Variants in BICD1 observed in about 807,000 individuals in gnomAD.
BICD1 encodes protein bicaudal D homolog 1.
Under a neutral mutation model 92.5 loss-of-function variants are expected in BICD1, and 35 were observed. That is an observed-to-expected ratio of 0.38 (90% CI 0.29 to 0.50). The LOEUF is 0.50. BICD1 is among the 20% of genes least tolerant of loss of function. BICD1 has a pLI of 0.93. For synonymous variants in BICD1, 429 were observed against 465.1 expected, an observed-to-expected ratio of 0.92 and a Z score of 1.00; for missense variants, 950 against 1,189.8, an observed-to-expected ratio of 0.80 and a Z score of 2.97.
chr12:32,340,743 T>G (rs1938335457), intron 8 of BICD1: 1 of 177,798 alleles, frequency 5.6e-6, no homozygotes, highest in South Asian at 1.9e-4. Context: ...TGTTTTTATT[T>G]GTTAAAGTTA....
chr12:32,117,705 T>TACACACACAC lies in BICD1; in HGVS notation c.213+10162_213+10163insCACACACACA, dbSNP rs1187433090. ...TCATATATATATATATATACACAAATATATATACACACACACACACACACA... is the reference window on the plus strand; with the variant it reads ...TCATATATATATATATATACACAAATACACACACACATATATACACACACACACACACACA... On this transcript the variant is annotated intron_variant, in intron 1 of 9. Coordinates refer to ENST00000652176, the MANE Select transcript of BICD1 (RefSeq NM_001714.4). Among the ~76,000 whole-genome samples, 147 of 85,990 alleles carry TACACACACAC rather than the reference T, an allele frequency of 1.7e-3. 3 individuals are homozygous for TACACACACAC. The highest frequency in any genetic ancestry group is 8.4e-3 in the East Asian group (23 of 2,724). 56.4% of individuals were successfully genotyped at this position (85,990 alleles called of 152,430 possible).
chr12:32,306,111 C>T lies in BICD1; in HGVS notation c.994C>T (p.Gln332Ter). ...NISEIQKLKQQLMQVEREKAI... is the reference protein window; with the variant it reads ...NISEIQKLKQ ...TTCAGAAATACAGAAGTTGAAGCAG[C>T]AGCTTATGCAGGTAAGAACTTTGTT... is the stretch of plus-strand genomic sequence containing the variant. The change falls in exon 4 of 10, where the codon CAG becomes TAG. Residue 332 changes from glutamine (Q) to a stop codon, truncating the protein, a stop_gained. Coordinates refer to ENST00000652176, the MANE Select transcript of BICD1 (RefSeq NM_001714.4). LOFTEE classifies it high-confidence loss of function. 4 of 1,595,256 alleles carry T rather than the reference C, an allele frequency of 2.5e-6. No homozygotes were observed. The highest frequency in any genetic ancestry group is 3.4e-6 in the Non-Finnish European group (4 of 1,172,810).
At chr12:32,333,088 C>T (rs1317435581) in intron 5 of BICD1, 1 of 984,300 alleles carries the variant, frequency 1.0e-6, no homozygotes, top group Non-Finnish European at 1.2e-6. Flanking sequence ...CTGTTATCCC[C>T]CATTTTATTC....
chr12:32,227,635 G>C (rs1565601945), intron 2 of BICD1: 1 of 161,480 alleles, frequency 6.2e-6, no homozygotes, highest in Non-Finnish European at 1.5e-5. Context: ...GGGAGGTCCT[G>C]GATAGAACTC....
intron 1 of BICD1, among the ~76,000 whole-genome samples, chr12:32,175,285 T>C (rs1490584911): frequency 1.3e-5 from 2 of 152,214 alleles, no homozygotes; most frequent in African/African-American, 2.4e-5. Context: ...CCTTTTCTTC[T>C]TTTTACCTTG....
At position 32,216,307 on chromosome 12, in the gene BICD1, G is replaced by C; in HGVS notation, c.274G>C (p.Glu92Gln). Residue 92 changes from glutamate to glutamine, a missense_variant, in exon 2 of 10, where the codon GAA (glutamate) becomes CAA (glutamine). Glu to Gln is a conservative substitution (Grantham distance 29). Coordinates refer to ENST00000652176, the MANE Select transcript of BICD1 (RefSeq NM_001714.4). ...KVAEDGETRE[E>Q]TLLQESASKE... ...TGCTGAAGATGGAGAGACTCGGGAG[G>C]AAACGCTTCTGCAGGAGTCAGCATC... The C allele has an allele frequency of 1.2e-6, 2 of 1,614,150 alleles. No individual in the cohort carries two copies. Among genetic ancestry groups the C allele is most frequent in the Non-Finnish European group, 1.7e-6 (2 of 1,180,026 alleles).
chr12:32,142,720 A>C (rs1297590240), intron 1 of BICD1, among the ~76,000 whole-genome samples: 1 of 152,200 alleles, frequency 6.6e-6, no homozygotes, highest in Admixed American at 6.5e-5. Flanking sequence ...TTCTCTCATG[A>C]AGCACCCAAA....
intron 1 of BICD1, among the ~76,000 whole-genome samples, chr12:32,198,660 T>A (rs1400654520): frequency 6.6e-6 from 1 of 151,800 alleles, no homozygotes; most frequent in Non-Finnish European, 1.5e-5. Flanking sequence ...CTCTTATGAC[T>A]TCTGGCTGTT....
intron 2 of BICD1, among the ~76,000 whole-genome samples, chr12:32,271,965 T>A (rs1947152023): frequency 6.6e-6 from 1 of 152,216 alleles, no homozygotes; most frequent in South Asian, 2.1e-4. Context: ...CTTAGCTCTA[T>A]GATCTACCTG....
In BICD1 at chr12:32,259,781, G is replaced by C. The variant is rs148675935; in HGVS notation, c.427-34213G>C. Among the ~76,000 whole-genome samples, 209 of 152,316 alleles carry C rather than the reference G, an allele frequency of 1.4e-3. 1 individual carries two copies. Among genetic ancestry groups the C allele is most frequent in the Admixed American group, 2.7e-3 (42 of 15,306 alleles). On this transcript the variant is annotated intron_variant, in intron 2 of 9. Transcript: ENST00000652176. ...ATAATCTAAAGGCAAGGGCTTGTAGGAAGAGGCAGTCAATATTTGTGAACA... is the reference window on the plus strand; with the variant it reads ...ATAATCTAAAGGCAAGGGCTTGTAGCAAGAGGCAGTCAATATTTGTGAACA...
At chr12:32,287,906 G>A (rs1255130027) in intron 2 of BICD1, among the ~76,000 whole-genome samples, 2 of 152,180 alleles carry the variant, frequency 1.3e-5, no homozygotes, top group African/African-American at 4.8e-5. Flanking sequence ...AGCCCCACTG[G>A]GCCAAATAGT....
intron 4 of BICD1, among the ~76,000 whole-genome samples, chr12:32,310,064 A>T (rs1948333947): frequency 6.6e-6 from 1 of 152,186 alleles, no homozygotes; most frequent in African/African-American, 2.4e-5. Context: ...GTAGAGGGGC[A>T]CAGGCAAGGC....
intron 1 of BICD1, among the ~76,000 whole-genome samples, chr12:32,201,027 A>G (rs935557118): frequency 6.6e-6 from 1 of 152,218 alleles, no homozygotes; most frequent in Non-Finnish European, 1.5e-5. Flanking sequence ...CTCCATGTCA[A>G]TACTGCTTTG....
intron 4 of BICD1, among the ~76,000 whole-genome samples, chr12:32,321,275 A>C (rs1017381452): frequency 1.3e-5 from 2 of 152,108 alleles, no homozygotes; most frequent in African/African-American, 4.8e-5. Flanking sequence ...GCAGTGATCC[A>C]AGATCACACC....
intron 1 of BICD1, among the ~76,000 whole-genome samples, chr12:32,180,478 C>T (rs995751460): frequency 5.4e-4 from 82 of 152,030 alleles, no homozygotes; most frequent in African/African-American, 1.9e-3. Context: ...AATTTCTGAA[C>T]TTTATCGGAT....
intron 5 of BICD1, chr12:32,333,345 A>G (rs1287903108): frequency 2.2e-6 from 2 of 898,148 alleles, no homozygotes; most frequent in Non-Finnish European, 2.7e-6. Context: ...GTCTCATTTT[A>G]ATCTGAATTT....
intron 8 of BICD1, chr12:32,340,606 C>T (rs1177225693): frequency 6.9e-6 from 5 of 725,870 alleles, no homozygotes; most frequent in Non-Finnish European, 8.4e-6. Flanking sequence ...ATGTTAACAA[C>T]AATAACTGTT....
intron 8 of BICD1, among the ~76,000 whole-genome samples, chr12:32,346,567 T>C (rs867005123): frequency 4.7e-5 from 2 of 43,004 alleles, no homozygotes; most frequent in Admixed American, 3.3e-4. Flanking sequence ...TATATATATA[T>C]ATATATATAT....
Position 32,328,176 on chromosome 12 carries a change from C to T in BICD1, c.1721C>T (p.Thr574Ile). Reference sequence around the variant, plus strand: ...CGGGGTGTGTCATCCCCGGTAGAAACAAGGACCTCATCTGAACCAGTTGCA... The same window carrying T: ...CGGGGTGTGTCATCCCCGGTAGAAATAAGGACCTCATCTGAACCAGTTGCA... ...ARRGVSSPVE[T>I]RTSSEPVAKE... The change falls in exon 5 of 10, where the codon ACA (threonine) becomes ATA (isoleucine). Residue 574 changes from threonine (T) to isoleucine (I), a missense_variant. Thr to Ile is a moderately conservative substitution (Grantham distance 89). Coordinates refer to ENST00000652176, the MANE Select transcript of BICD1 (RefSeq NM_001714.4). This position sits in a 1 kb window ranked among gnomAD's most constrained non-coding sequence, Gnocchi z 4.4. 1 of 1,614,150 alleles carries T rather than the reference C, an allele frequency of 6.2e-7. No homozygotes were observed. The highest frequency in any genetic ancestry group is 8.5e-7 in the Non-Finnish European group (1 of 1,180,042).
Sources: allele counts gnomAD v4.1 joint callset (sites outside exome capture counted in the v4.1 genomes callset), GRCh38; gene constraint gnomAD v4.1.1; non-coding constraint Gnocchi (gnomAD v3.1); transcripts MANE v1.5; gene names NCBI Gene and HGNC (gene_info 2026-07-23, HGNC 2026-07-21).